IL27RA: variants seen among roughly 807,000 people sequenced by gnomAD.
IL27RA encodes interleukin-27 receptor subunit alpha.
In IL27RA, 61 loss-of-function variants were observed where a neutral mutation model predicts 80.8. The ratio of observed to expected loss-of-function variants is 0.76; its 90% confidence interval spans 0.61 to 0.93. The LOEUF is 0.93. Among genes scored for constraint, IL27RA ranks in the 40% least tolerant of loss-of-function variants. IL27RA has a pLI of 0.00. For missense variants in IL27RA, 735 were observed against 808.1 expected (o/e 0.91, Z 1.10); for synonymous variants, 316 against 332.5 (o/e 0.95, Z 0.54).
In IL27RA at chr19:14,052,315, C is replaced by T. The variant is rs918757627; in HGVS notation, c.*25C>T. On this transcript the variant is annotated 3_prime_UTR_variant, in exon 14 of 14. Transcript: ENST00000263379. ...AACCACACGTCTGGCTGGGGGCTGCCAGCCAGGCTAGAGGGATGCTCATGC... is the reference window on the plus strand; with the variant it reads ...AACCACACGTCTGGCTGGGGGCTGCTAGCCAGGCTAGAGGGATGCTCATGC... 12 of 1,460,566 alleles carry T rather than the reference C, an allele frequency of 8.2e-6. No individual in the cohort carries two copies. In the African/African-American group the frequency reaches 1.3e-4, roughly 16 times the overall value. The allele number at this position is 1,460,566 out of a possible 1,614,324, so 90.5% of individuals were successfully genotyped here. A position where few individuals can be genotyped will look rare whatever the true frequency, so the allele number is the denominator to read the frequency against.
chr19:14,041,861 T>C lies in IL27RA; in HGVS notation c.535-592T>C, dbSNP rs1975993509. 2.7e-5 allele frequency among the ~76,000 whole-genome samples: 4 copies of C among 150,306 alleles called. No individual in the cohort carries two copies. The South Asian group carries it at 8.4e-4, about 32-fold the overall frequency. ...TGGGCAGATCACCTAAGGTCAGGAG[T>C]TCAAGACCAGCCTGGCCAAGATGGT... On this transcript the variant is annotated intron_variant, in intron 4 of 13. Transcript: ENST00000263379.
intron 12 of IL27RA, 62 bp from the exon 13 acceptor site, chr19:14,051,818 C>A: frequency 6.9e-7 from 1 of 1,458,706 alleles, no homozygotes. Flanking sequence ...ATGAACCCTG[C>A]ACCCTGGGCT....
Position 14,048,703 on chromosome 19 carries a change from C to G in IL27RA, c.1142-278C>G, listed in dbSNP as rs1267869119. ...GTGGATAAATACCCCAGCTCCGTCC[C>G]CCTGAGCTGGGCTGACTCTGCGATG... On this transcript the variant is annotated intron_variant, in intron 8 of 13. Transcript: ENST00000263379. 2.0e-5 allele frequency among the ~76,000 whole-genome samples: 3 copies of G among 152,190 alleles called. No homozygotes were observed. In the South Asian group the frequency reaches 6.2e-4, roughly 31 times the overall value.
At chr19:14,036,094 AAG>A (rs1273567086) in intron 2 of IL27RA, among the ~76,000 whole-genome samples, 2 of 149,424 alleles carry the variant, frequency 1.3e-5, no homozygotes, top group Non-Finnish European at 3.0e-5. Context: ...AAAAAAAAGA[AAG>A]AAGAAGAAGA....
At chr19:14,051,792 G>C in intron 12 of IL27RA, 88 bp from the exon 13 acceptor site, 1 of 1,420,976 alleles carries the variant, frequency 7.0e-7, no homozygotes, top group Non-Finnish European at 9.8e-7. Context: ...GGAGGCCTCA[G>C]GGCGCAGTCA....
intron 4 of IL27RA, 141 bp downstream of exon 4, chr19:14,040,051 C>CCT (rs1208638014): frequency 1.2e-6 from 1 of 804,990 alleles, no homozygotes; most frequent in African/African-American, 1.7e-5. Context: ...CCTGCATGTG[C>CCT]CTCTTGTTCA....
chr19:14,050,668 A>G (rs1385468419), intron 10 of IL27RA, 90 bp from the exon 11 acceptor site: 2 of 1,378,490 alleles, frequency 1.5e-6, no homozygotes, highest in African/African-American at 2.9e-5. Context: ...GATACCTGGG[A>G]GAGAGTGTTG....
chr19:14,046,648 C>T (rs1013742626), intron 8 of IL27RA, 30 bp downstream of exon 8: 10 of 1,557,008 alleles, frequency 6.4e-6, no homozygotes, highest in African/African-American at 2.7e-5. Flanking sequence ...GGGTCTCCAT[C>T]CCCGCTGTTA....
chr19:14,044,973 A>C (rs1020737751), intron 6 of IL27RA, among the ~76,000 whole-genome samples: 1 of 151,614 alleles, frequency 6.6e-6, no homozygotes, highest in Non-Finnish European at 1.5e-5. Flanking sequence ...AAAAATACAC[A>C]AATTAGCCGG....
At chr19:14,043,634 CA>C (rs1336751717) in intron 6 of IL27RA, among the ~76,000 whole-genome samples, 5 of 151,260 alleles carry the variant, frequency 3.3e-5, no homozygotes, top group Non-Finnish European at 5.9e-5. Context: ...CCATCTTGGC[CA>C]GGGGGGCCTT....
chr19:14,047,022 A>C (rs1376000828), intron 8 of IL27RA, among the ~76,000 whole-genome samples: 1 of 151,530 alleles, frequency 6.6e-6, no homozygotes, highest in Non-Finnish European at 1.5e-5. Flanking sequence ...AAATAAATAA[A>C]TAGCGTGAAT....
intron 1 of IL27RA, 73 bp downstream of exon 1, chr19:14,032,045 T>G: frequency 7.5e-7 from 1 of 1,332,054 alleles, no homozygotes. Context: ...TGCTCCAGGA[T>G]AAGCCACGCG....
At chr19:14,032,217 G>C (rs1975826825) in intron 1 of IL27RA, among the ~76,000 whole-genome samples, 169 bp from the exon 2 acceptor site, 1 of 152,266 alleles carries the variant, frequency 6.6e-6, no homozygotes, top group South Asian at 2.1e-4. Flanking sequence ...CACAGGGAAA[G>C]GGGGGGTTTG....
At position 14,052,567 on chromosome 19, in the gene IL27RA, A is replaced by G. The variant is rs1976194060; in HGVS notation, c.*277A>G. ...TGCCTGCCAAAATCTGTTCCGCTGT[A>G]ACAGAACTGAATTTGGACCCCAGCA... On this transcript the variant is annotated 3_prime_UTR_variant, in exon 14 of 14. Transcript: ENST00000263379. 1 of 365,454 alleles carries G rather than the reference A, an allele frequency of 2.7e-6. No homozygotes were observed. The highest frequency in any genetic ancestry group is 4.5e-5 in the East Asian group (1 of 22,138). The allele number at this position is 365,454 out of a possible 1,614,324, so 22.6% of individuals were successfully genotyped here.
At chr19:14,049,633 G>A (rs1439843158) in intron 10 of IL27RA, among the ~76,000 whole-genome samples, 3 of 149,610 alleles carry the variant, frequency 2.0e-5, no homozygotes, top group Non-Finnish European at 3.0e-5. Context: ...CCAGGCTGGA[G>A]TGCAATGGCA....
At chr19:14,043,618 G>A (rs1419611849) in intron 6 of IL27RA, among the ~76,000 whole-genome samples, 1 of 151,290 alleles carries the variant, frequency 6.6e-6, no homozygotes, top group Non-Finnish European at 1.5e-5. Flanking sequence ...AGAGATGGGG[G>A]TTTCACCATC....
At chr19:14,032,053 G>A (rs1209973051) in intron 1 of IL27RA, 81 bp downstream of exon 1, 3 of 1,249,710 alleles carry the variant, frequency 2.4e-6, no homozygotes, top group East Asian at 2.5e-5. Context: ...GATAAGCCAC[G>A]CGTATGCAGA....
chr19:14,042,217 T>C (rs568731639), intron 4 of IL27RA, among the ~76,000 whole-genome samples: 2 of 135,488 alleles, frequency 1.5e-5, no homozygotes, highest in Non-Finnish European at 3.2e-5. Context: ...AAAAAAAAAA[T>C]TAACCAGGTG....
At position 14,031,806 on chromosome 19, in the gene IL27RA, AAGAGG is replaced by A; in HGVS notation, c.-64_-60del. 7 of 1,359,192 alleles carry A rather than the reference AAGAGG, an allele frequency of 5.2e-6. No homozygotes were observed. Among genetic ancestry groups the A allele is most frequent in the Non-Finnish European group, 6.0e-6 (6 of 994,582 alleles). The allele number at this position is 1,359,192 out of a possible 1,614,324, so 84.2% of individuals were successfully genotyped here. Reference sequence around the variant, plus strand: ...CCTCGGGCGCTGTACCCAGAGCTCGAAGAGGAGCAGCGCGGCCGCGCGGACCCGGC... The same window carrying A: ...CCTCGGGCGCTGTACCCAGAGCTCGAAGCAGCGCGGCCGCGCGGACCCGGC... On this transcript the variant is annotated 5_prime_UTR_variant, in exon 1 of 14. Transcript: ENST00000263379.
Sources: gnomAD v4.1 joint callset for allele counts (sites outside exome capture counted in the v4.1 genomes callset) on GRCh38, gnomAD v4.1.1 for gene constraint, MANE v1.5 for transcripts, NCBI Gene and HGNC (gene_info 2026-07-23, HGNC 2026-07-21) for gene names.